Variants in MYO3B observed in about 807,000 individuals in gnomAD.
MYO3B encodes myosin-IIIb.
MYO3B carries 156 observed loss-of-function variants against 174.6 expected under a neutral mutation model. That is an observed-to-expected ratio of 0.89 (90% CI 0.78 to 1.02). The LOEUF (loss-of-function observed/expected upper bound fraction) is 1.02. MYO3B is among the 50% of genes least tolerant of loss of function. The pLI is 0.00. For missense variants in MYO3B, 1,632 were observed against 1,639.4 expected, an observed-to-expected ratio of 1.00 and a Z score of 0.08; for synonymous variants, 563 against 569.1, an observed-to-expected ratio of 0.99 and a Z score of 0.15.
intron 7 of MYO3B, chr2:170,334,369 G>A (rs1392630868): frequency 6.6e-6 from 1 of 152,132 alleles, no homozygotes; most frequent in Non-Finnish European, 1.5e-5. Flanking sequence ...GGCAAATTGC[G>A]ATCACATTAT....
At chr2:170,297,978 T>C (rs2093639338) in intron 7 of MYO3B, among the ~76,000 whole-genome samples, 1 of 152,170 alleles carries the variant, frequency 6.6e-6, no homozygotes. Flanking sequence ...ATAATAATGA[T>C]GATAATCATA....
intron 6 of MYO3B, among the ~76,000 whole-genome samples, chr2:170,219,049 C>T (rs1043671623): frequency 6.6e-6 from 1 of 152,216 alleles, no homozygotes; most frequent in African/African-American, 2.4e-5. Flanking sequence ...ATGTGTCTTT[C>T]CTTTAAACCC....
intron 25 of MYO3B, among the ~76,000 whole-genome samples, chr2:170,469,743 C>A (rs953511703): frequency 2.0e-5 from 3 of 152,150 alleles, no homozygotes; most frequent in African/African-American, 7.2e-5. Flanking sequence ...TTTAGTCCAG[C>A]CCTTTTGTTA....
At chr2:170,299,663 C>A (rs1167941210) in intron 7 of MYO3B, among the ~76,000 whole-genome samples, 2 of 152,174 alleles carry the variant, frequency 1.3e-5, no homozygotes, top group African/African-American at 4.8e-5. Flanking sequence ...GATTTTGTAA[C>A]TGGCAAATGG....
rs2094375029 is a variant in MYO3B at position 170,386,364 on chromosome 2, A to C, written c.1374+92A>C. ...ATGATGGAAGTGCTGGGTTTTTTTTATTAAGGCTTACATAAAGACATTCCA... is the reference window on the plus strand; with the variant it reads ...ATGATGGAAGTGCTGGGTTTTTTTTCTTAAGGCTTACATAAAGACATTCCA... On this transcript the variant is annotated intron_variant, in intron 13 of 34. Transcript: ENST00000408978. The C allele has an allele frequency of 3.7e-6, 4 of 1,090,832 alleles. No homozygotes were observed. In the Admixed American group the frequency reaches 6.5e-5, roughly 18 times the overall value. The allele number at this position is 1,090,832 out of a possible 1,614,324, so 67.6% of individuals were successfully genotyped here. A position where few individuals can be genotyped will look rare whatever the true frequency, so the allele number is the denominator to read the frequency against.
intron 7 of MYO3B, among the ~76,000 whole-genome samples, chr2:170,333,353 G>A (rs1336060793): frequency 6.6e-6 from 1 of 152,150 alleles, no homozygotes; most frequent in Admixed American, 6.5e-5. Context: ...TGAATGGAGT[G>A]AATGAGATAA....
At chr2:170,212,218 G>A (rs921580701) in intron 3 of MYO3B, among the ~76,000 whole-genome samples, 18 of 150,236 alleles carry the variant, frequency 1.2e-4, no homozygotes, top group African/African-American at 3.9e-4. Flanking sequence ...ACTCCAGCCT[G>A]GGCAAAAACA....
chr2:170,635,783 G>C (rs1697413223), intron 32 of MYO3B, among the ~76,000 whole-genome samples: 1 of 152,014 alleles, frequency 6.6e-6, no homozygotes. Flanking sequence ...ATAGATAAGG[G>C]GAAGGAGGAG....
intron 7 of MYO3B, among the ~76,000 whole-genome samples, chr2:170,252,084 T>C (rs1434878089): frequency 6.6e-6 from 1 of 152,240 alleles, no homozygotes; most frequent in Non-Finnish European, 1.5e-5. Context: ...GTTCTTCCAA[T>C]GACTTCAAAG....
At chr2:170,461,495 G>A (rs115561499) in intron 23 of MYO3B, among the ~76,000 whole-genome samples, 8,254 of 149,130 alleles carry the variant, frequency 0.055, 297 homozygotes, top group Non-Finnish European at 0.073. Context: ...AAAGGGCTGG[G>A]CCGAGCACGG....
intron 32 of MYO3B, among the ~76,000 whole-genome samples, chr2:170,570,603 C>G (rs555543226): frequency 6.6e-6 from 1 of 152,188 alleles, no homozygotes; most frequent in South Asian, 2.1e-4. Context: ...GCAAATTACT[C>G]TACTCAGTGT....
intron 7 of MYO3B, among the ~76,000 whole-genome samples, chr2:170,327,975 C>T (rs1466441219): frequency 6.6e-6 from 1 of 151,702 alleles, no homozygotes; most frequent in African/African-American, 2.4e-5. Context: ...CATCTCGGCT[C>T]ACTGCAGCCC....
chr2:170,464,180 C>A (rs1425651742), intron 24 of MYO3B, among the ~76,000 whole-genome samples: 1 of 151,622 alleles, frequency 6.6e-6, no homozygotes, highest in Non-Finnish European at 1.5e-5. Context: ...TGGTGAAACC[C>A]CTTCTCTAGT....
chr2:170,514,130 G>C (rs1688146830), intron 28 of MYO3B, among the ~76,000 whole-genome samples: 1 of 152,194 alleles, frequency 6.6e-6, no homozygotes, highest in Non-Finnish European at 1.5e-5. Flanking sequence ...TGCTGCCAGT[G>C]TAGTTTCTGT....
intron 25 of MYO3B, among the ~76,000 whole-genome samples, chr2:170,471,801 G>C (rs1244329313): frequency 6.6e-6 from 1 of 152,062 alleles, no homozygotes; most frequent in Non-Finnish European, 1.5e-5. Flanking sequence ...AGACCAGCCT[G>C]ATTAACGTGG....
At chr2:170,337,458 A>G (rs2093953089) in intron 8 of MYO3B, among the ~76,000 whole-genome samples, 1 of 152,200 alleles carries the variant, frequency 6.6e-6, no homozygotes, top group Non-Finnish European at 1.5e-5. Flanking sequence ...GATTTGACTC[A>G]CAAAACTTTG....
chr2:170,404,187 A>G (rs1488877807), intron 19 of MYO3B, 60 bp from the exon 20 acceptor site: 8 of 1,518,382 alleles, frequency 5.3e-6, no homozygotes, highest in African/African-American at 1.4e-5. Flanking sequence ...ATGTCAAAGT[A>G]TCCTGGTGGT....
chr2:170,622,901 CTCA>C (rs768893317), intron 32 of MYO3B, among the ~76,000 whole-genome samples: 1 of 152,146 alleles, frequency 6.6e-6, no homozygotes, highest in Non-Finnish European at 1.5e-5. Flanking sequence ...AGGACAGGAA[CTCA>C]TCATTTTTTA....
intron 15 of MYO3B, among the ~76,000 whole-genome samples, chr2:170,392,015 C>T (rs1263961233): frequency 2.0e-5 from 3 of 149,658 alleles, no homozygotes; most frequent in Admixed American, 6.7e-5. Context: ...ATTAGCTACT[C>T]GGGAGGCTGA....
Sources: allele counts gnomAD v4.1 joint callset (sites outside exome capture counted in the v4.1 genomes callset), GRCh38; gene constraint gnomAD v4.1.1; transcripts MANE v1.5; gene names NCBI Gene and HGNC (gene_info 2026-07-23, HGNC 2026-07-21).